The following SLC2A4RG variants were observed in gnomAD, a reference collection of about 807,000 sequenced individuals.
SLC2A4RG encodes GLUT4 enhancer factor.
SLC2A4RG carries 23 observed loss-of-function variants against 35.5 expected under a neutral mutation model. The ratio of observed to expected loss-of-function variants is 0.65; its 90% CI spans 0.47 to 0.92. The LOEUF (loss-of-function observed/expected upper bound fraction) is 0.92. SLC2A4RG is among the 40% of genes least tolerant of loss of function. The pLI, the probability that SLC2A4RG is intolerant of heterozygous loss-of-function variation, is 0.00. For synonymous variants in SLC2A4RG, 306 were observed against 243.7 expected (o/e 1.26, Z -2.38); for missense variants, 539 against 525.0 (o/e 1.03, Z -0.26).
intron 6 of SLC2A4RG, 36 bp from the exon 7 acceptor site, chr20:63,742,663 G>A: frequency 1.9e-6 from 3 of 1,592,804 alleles, no homozygotes; most frequent in Non-Finnish European, 2.6e-6. Flanking sequence ...AGGGCTCTCT[G>A]GAGGGGAGTG....
Position 63,742,390 on chromosome 20 carries a change from G to C in SLC2A4RG, c.735G>C (p.Glu245Asp), listed in dbSNP as rs769890787. Residue 245 changes from glutamate (E) to aspartate (D), a missense_variant, in exon 6 of 8, where the codon GAG becomes GAC. By Grantham distance (45) the Glu-to-Asp change is conservative (BLOSUM62 2). Transcript: ENST00000266077. ...GTGAGGAGGACTTCTACTACACAGA[G>C]CTGGATGTTGGTGTGGACACGCTGA... Reference protein sequence around the residue: ...SDGEEDFYYTELDVGVDTLTD... With the variant: ...SDGEEDFYYTDLDVGVDTLTD... The C allele has an allele frequency of 1.2e-6, 2 of 1,611,918 alleles. No individual in the cohort carries two copies. Among genetic ancestry groups the C allele is most frequent in the Non-Finnish European group, 1.7e-6 (2 of 1,179,520 alleles).
Position 63,740,524 on chromosome 20 carries a change from G to C in SLC2A4RG, c.274G>C (p.Ala92Pro). 1 of 1,229,396 alleles carries C rather than the reference G, an allele frequency of 8.1e-7. No homozygotes were observed. Among genetic ancestry groups the C allele is most frequent in the Non-Finnish European group, 1.0e-6 (1 of 986,086 alleles). 76.2% of individuals were successfully genotyped at this position (1,229,396 alleles called of 1,614,324 possible). The change falls in exon 2 of 8, where the codon GCG becomes CCG. Residue 92 changes from alanine to proline, a missense_variant. Physicochemically the swap from Ala to Pro is conservative, Grantham distance 27 (BLOSUM62 -1). Coordinates refer to ENST00000266077, the MANE Select transcript of SLC2A4RG (RefSeq NM_020062.4). The stretch of plus-strand genomic sequence containing the variant: ...TCCGTCGGCGCACATCCCCGTCCCA[G>C]CGCAGAGGTGAGCGGGAGGCCCGGT... ...RTPSAHIPVP[A>P]QRATPGKARL...
At position 63,743,848 on chromosome 20, in the gene SLC2A4RG, G is replaced by A. The variant is rs1373736332; in HGVS notation, c.*858G>A. 6.6e-6 allele frequency: 1 copy of A among 152,144 alleles called. No individual in the cohort carries two copies. Among genetic ancestry groups the A allele is most frequent in the East Asian group, 1.9e-4 (1 of 5,298 alleles). 9.4% of individuals were successfully genotyped at this position (152,144 alleles called of 1,614,324 possible). A position where few individuals can be genotyped will look rare whatever the true frequency, so the allele number is the denominator to read the frequency against. On this transcript the variant is annotated 3_prime_UTR_variant, in exon 8 of 8. Coordinates refer to ENST00000266077, the MANE Select transcript of SLC2A4RG (RefSeq NM_020062.4). ...CGGCAGAGCCATGATTTCCCACCGA[G>A]CGATTACGAGAACCTCTTCCCCCAA...
At position 63,742,153 on chromosome 20, in the gene SLC2A4RG, G is replaced by C. The variant is rs1241803581; in HGVS notation, c.603G>C (p.Gln201His). ...KRKSPAQVMF[Q>H]CLWKSCGKVL... is the part of the protein sequence containing the mutation. ...AGAGCCCGGCCCAGGTCATGTTCCA[G>C]TGTCTGTGGAAGAGCTGCGGGAAGG... The change falls in exon 5 of 8, where the codon CAG (glutamine) becomes CAC (histidine). Residue 201 changes from glutamine (Q) to histidine (H), a missense_variant. Gln to His is a conservative substitution (Grantham distance 24, BLOSUM62 0). Coordinates refer to ENST00000266077, the MANE Select transcript of SLC2A4RG (RefSeq NM_020062.4). 2.5e-6 allele frequency: 4 copies of C among 1,605,384 alleles called. No homozygotes were observed. Among genetic ancestry groups the C allele is most frequent in the Non-Finnish European group, 3.4e-6 (4 of 1,176,412 alleles).
chr20:63,743,086 G>T lies in SLC2A4RG; in HGVS notation c.*96G>T. 1 of 374,102 alleles carries T rather than the reference G, an allele frequency of 2.7e-6. No homozygotes were observed. The highest frequency in any genetic ancestry group is 6.4e-5 in the Admixed American group (1 of 15,732). The allele number at this position is 374,102 out of a possible 1,614,324, so 23.2% of individuals were successfully genotyped here. ...AGCCCGAGGACAGCCCCAGGGGCTG[G>T]CTTTCACCAGCTGCAGGGTCTGCTT... is the stretch of plus-strand genomic sequence containing the variant. On this transcript the variant is annotated 3_prime_UTR_variant, in exon 8 of 8. Transcript: ENST00000266077.
chr20:63,742,716 C>T lies in SLC2A4RG; in HGVS notation c.978C>T (p.Ala326=). 6.3e-7 allele frequency: 1 copy of T among 1,595,424 alleles called. No homozygotes were observed. Among genetic ancestry groups the T allele is most frequent in the Non-Finnish European group, 8.5e-7 (1 of 1,172,238 alleles). Residue 326 remains alanine, a synonymous_variant, in exon 7 of 8, where the codon GCC becomes GCT. Transcript: ENST00000266077. The part of the protein sequence containing the change: ...DRVYQGCLTP[A]RLEPQPTEVG... ...CCCTGTAGGGCTGCCTGACGCCCGC[C>T]CGCCTGGAGCCGCAGCCCACGGAGG...
At chr20:63,741,515 G>A in intron 3 of SLC2A4RG, 36 bp downstream of exon 3, 1 of 1,579,854 alleles carries the variant, frequency 6.3e-7, no homozygotes, top group South Asian at 1.1e-5. Flanking sequence ...GGGTGTGGGT[G>A]GGGACAGGGC....
At position 63,742,491 on chromosome 20, in the gene SLC2A4RG, C is replaced by G; in HGVS notation, c.836C>G (p.Pro279Arg). ...MPPAFPRLEL[P>R]ELLEPPALPS... is the part of the protein sequence containing the mutation. The stretch of plus-strand genomic sequence containing the variant: ...CCTGCCTTCCCCCGCCTGGAGCTGC[C>G]AGAGCTGCTGGAGCCCCCAGCCCTG... Residue 279 changes from proline (P) to arginine (R), a missense_variant, in exon 6 of 8, where the codon CCA becomes CGA. Coordinates refer to ENST00000266077, the MANE Select transcript of SLC2A4RG (RefSeq NM_020062.4). 1 of 1,576,234 alleles carries G rather than the reference C, an allele frequency of 6.3e-7. No homozygotes were observed. Among genetic ancestry groups the G allele is most frequent in the Non-Finnish European group, 8.6e-7 (1 of 1,161,668 alleles).
At position 63,742,517 on chromosome 20, in the gene SLC2A4RG, C is replaced by T; in HGVS notation, c.862C>T (p.Pro288Ser). The stretch of plus-strand genomic sequence containing the variant: ...AGAGCTGCTGGAGCCCCCAGCCCTG[C>T]CTAGTCCCCTGCGGCCGCCTGCCCC... Reference protein sequence around the residue: ...LPELLEPPALPSPLRPPAPPL... With the variant: ...LPELLEPPALSSPLRPPAPPL... Residue 288 changes from proline to serine, a missense_variant, in exon 6 of 8, where the codon CCT becomes TCT. Coordinates refer to ENST00000266077, the MANE Select transcript of SLC2A4RG (RefSeq NM_020062.4). The T allele has an allele frequency of 6.4e-7, 1 of 1,564,302 alleles. No homozygotes were observed. The highest frequency in any genetic ancestry group is 8.7e-7 in the Non-Finnish European group (1 of 1,155,046).
At position 63,743,624 on chromosome 20, in the gene SLC2A4RG, A is replaced by C. The variant is rs1031002100; in HGVS notation, c.*634A>C. On this transcript the variant is annotated 3_prime_UTR_variant, in exon 8 of 8. Transcript: ENST00000266077. ...GTCACCCGTCGGCCGCCGCCACCCC[A>C]GGCGAGGCCGGAGGAAGGATCATCT... The C allele has an allele frequency of 1.3e-5, 2 of 152,416 alleles. No homozygotes were observed. The highest frequency in any genetic ancestry group is 4.8e-5 in the African/African-American group (2 of 41,460). The allele number at this position is 152,416 out of a possible 1,614,324, so 9.4% of individuals were successfully genotyped here.
Position 63,739,926 on chromosome 20 carries a change from C to G in SLC2A4RG, c.14C>G (p.Pro5Arg), listed in dbSNP as rs1418769646. MERP[P>R]PRAAGRDPSA... The stretch of plus-strand genomic sequence containing the variant: ...GGCCGGCCGGCCATGGAGCGCCCCC[C>G]GCCCCGCGCCGCCGGCCGGGACCCC... The change falls in exon 1 of 8, where the codon CCG (proline) becomes CGG (arginine). Residue 5 changes from proline to arginine, a missense_variant. Pro to Arg is a moderately radical substitution (Grantham distance 103, BLOSUM62 -2). Coordinates refer to ENST00000266077, the MANE Select transcript of SLC2A4RG (RefSeq NM_020062.4). 3 of 978,616 alleles carry G rather than the reference C, an allele frequency of 3.1e-6. No homozygotes were observed. Among genetic ancestry groups the G allele is most frequent in the East Asian group, 2.3e-4 (2 of 8,614 alleles). 60.6% of individuals were successfully genotyped at this position (978,616 alleles called of 1,614,324 possible). A position where few individuals can be genotyped will look rare whatever the true frequency, so the allele number is the denominator to read the frequency against.
In SLC2A4RG at chr20:63,742,786, C is replaced by G; in HGVS notation, c.1048C>G (p.Leu350Val). Residue 350 changes from leucine (L) to valine (V), a missense_variant, in exon 7 of 8, where the codon CTG (leucine) becomes GTG (valine). Physicochemically the swap from Leu to Val is conservative, Grantham distance 32 (BLOSUM62 1). Transcript: ENST00000266077. ...PALSSRIGVT[L>V]RKPRGDAKKC... ...CTTGTCCTCCAGGATCGGAGTCACCCTGAGGTGCGTGTGGGCTGAGGGCCT... is the reference window on the plus strand; with the variant it reads ...CTTGTCCTCCAGGATCGGAGTCACCGTGAGGTGCGTGTGGGCTGAGGGCCT... 6.3e-7 allele frequency: 1 copy of G among 1,584,940 alleles called. No homozygotes were observed. Among genetic ancestry groups the G allele is most frequent in the East Asian group, 2.3e-5 (1 of 43,712 alleles).
At chr20:63,741,331 C>G in intron 2 of SLC2A4RG, 39 bp from the exon 3 acceptor site, 2 of 1,591,868 alleles carry the variant, frequency 1.3e-6, no homozygotes, top group Non-Finnish European at 1.7e-6. Context: ...GCCCAGAGCT[C>G]TGGCTGGGTC....
chr20:63,741,734 C>T, intron 3 of SLC2A4RG, 135 bp from the exon 4 acceptor site: 1 of 1,432,004 alleles, frequency 7.0e-7, no homozygotes, highest in Non-Finnish European at 9.1e-7. Context: ...GGGTTTCTCC[C>T]CAAGCCCTGG....
chr20:63,740,466 G>A lies in SLC2A4RG; in HGVS notation c.216G>A (p.Arg72=). The A allele has an allele frequency of 1.6e-6, 2 of 1,229,992 alleles. No homozygotes were observed. Among genetic ancestry groups the A allele is most frequent in the Non-Finnish European group, 2.0e-6 (2 of 986,132 alleles). The allele number at this position is 1,229,992 out of a possible 1,614,324, so 76.2% of individuals were successfully genotyped here. A position where few individuals can be genotyped will look rare whatever the true frequency, so the allele number is the denominator to read the frequency against. Residue 72 remains arginine (R), a synonymous_variant, in exon 2 of 8, where the codon CGG becomes CGA. Coordinates refer to ENST00000266077, the MANE Select transcript of SLC2A4RG (RefSeq NM_020062.4). ...GGGCCTCGGACCTGGGGGCCCCCCG[G>A]ACGTGGACGGGGGCGGCGGCGGGGC... ...EPRASDLGAP[R]TWTGAAAGPR... is the part of the protein sequence containing the mutation.
chr20:63,743,882 A>G lies in SLC2A4RG; in HGVS notation c.*892A>G, dbSNP rs1471229311. The G allele has an allele frequency of 6.6e-6, 1 of 152,558 alleles. No homozygotes were observed. Among genetic ancestry groups the G allele is most frequent in the Non-Finnish European group, 1.5e-5 (1 of 68,026 alleles). The allele number at this position is 152,558 out of a possible 1,614,324, so 9.5% of individuals were successfully genotyped here. Reference sequence around the variant, plus strand: ...AGAACCTCTTCCCCCAATAGTAGACACATCTCCAATACAAACACAGGTTTA... The same window carrying G: ...AGAACCTCTTCCCCCAATAGTAGACGCATCTCCAATACAAACACAGGTTTA... On this transcript the variant is annotated 3_prime_UTR_variant, in exon 8 of 8. Transcript: ENST00000266077.
Position 63,743,973 on chromosome 20 carries a change from A to G in SLC2A4RG, c.*983A>G, listed in dbSNP as rs1209000863. On this transcript the variant is annotated 3_prime_UTR_variant, in exon 8 of 8. Coordinates refer to ENST00000266077, the MANE Select transcript of SLC2A4RG (RefSeq NM_020062.4). ...AGAAAAAAATCAACAATCTTCAAAC[A>G]CTGCCCTTTTTTTGTGTGTTTTGTT... The G allele has an allele frequency of 6.6e-6, 1 of 152,538 alleles. No individual in the cohort carries two copies. The highest frequency in any genetic ancestry group is 1.9e-4 in the East Asian group (1 of 5,342). The allele number at this position is 152,538 out of a possible 1,614,324, so 9.4% of individuals were successfully genotyped here.
intron 2 of SLC2A4RG, among the ~76,000 whole-genome samples, chr20:63,741,098 G>T (rs1462267669): frequency 6.6e-6 from 1 of 152,226 alleles, no homozygotes; most frequent in African/African-American, 2.4e-5. Context: ...TCAGACCCCT[G>T]CCCAGCCCCA....
chr20:63,741,355 C>A lies in SLC2A4RG; in HGVS notation c.282-15C>A, dbSNP rs1042524308. ...TCTGGCTGGGTCACCCGCACCCCGC[C>A]CCCATCTCCTCCAGAGCCACCCCAG... On this transcript the variant is annotated splice_polypyrimidine_tract_variant and intron_variant, in intron 2 of 7. Transcript: ENST00000266077. 4.3e-6 allele frequency: 7 copies of A among 1,610,884 alleles called. No individual in the cohort carries two copies. Among genetic ancestry groups the A allele is most frequent in the Non-Finnish European group, 5.9e-6 (7 of 1,179,140 alleles).
Sources: allele counts gnomAD v4.1 joint callset (sites outside exome capture counted in the v4.1 genomes callset), GRCh38; gene constraint gnomAD v4.1.1; transcripts MANE v1.5; gene names NCBI Gene and HGNC (gene_info 2026-07-23, HGNC 2026-07-21).